ABHD17C: variants seen among roughly 807,000 people sequenced by gnomAD.
The protein encoded by ABHD17C is abhydrolase domain containing 17C, depalmitoylase.
Under a neutral mutation model 27.9 loss-of-function variants are expected in ABHD17C, and 11 were observed. That is an observed-to-expected ratio of 0.39 (90% CI 0.25 to 0.65). The LOEUF is 0.65. Ranked by LOEUF, ABHD17C falls within the 30% of genes least tolerant of loss-of-function variation. The probability of loss-of-function intolerance (pLI) is 0.45; values close to 1 mark genes in which losing one functional copy is unlikely to be tolerated. For synonymous variants in ABHD17C, 233 were observed against 209.1 expected, an observed-to-expected ratio of 1.11 and a Z score of -0.98; for missense variants, 280 against 470.2, an observed-to-expected ratio of 0.60 and a Z score of 3.74.
chr15:80,738,057 A>G (rs1028536263), intron 1 of ABHD17C, among the ~76,000 whole-genome samples: 2 of 152,044 alleles, frequency 1.3e-5, no homozygotes, highest in Non-Finnish European at 2.9e-5. Context: ...TATAGATAGA[A>G]TTGGAAGGAA....
chr15:80,736,246 A>G (rs939590414), intron 1 of ABHD17C, among the ~76,000 whole-genome samples: 2 of 152,238 alleles, frequency 1.3e-5, no homozygotes, highest in Admixed American at 1.3e-4. Flanking sequence ...ATGCTAAAAA[A>G]TTTTCCAAAT....
intron 1 of ABHD17C, among the ~76,000 whole-genome samples, chr15:80,714,772 G>A (rs112866479): frequency 5.3e-5 from 8 of 152,304 alleles, no homozygotes; most frequent in African/African-American, 1.4e-4. Flanking sequence ...GGAAAAGAAT[G>A]CATGATTAAA....
intron 1 of ABHD17C, among the ~76,000 whole-genome samples, chr15:80,740,226 C>A (rs1341861432): frequency 6.6e-6 from 1 of 152,090 alleles, no homozygotes; most frequent in Non-Finnish European, 1.5e-5. Flanking sequence ...AGGACACTGC[C>A]TGTTGCTACC....
chr15:80,712,312 G>A (rs147625731), intron 1 of ABHD17C, among the ~76,000 whole-genome samples: 46 of 152,336 alleles, frequency 3.0e-4, no homozygotes, highest in African/African-American at 1.1e-3. Flanking sequence ...GGTTCAGGAT[G>A]TGGGGCCTTC....
intron 1 of ABHD17C, among the ~76,000 whole-genome samples, chr15:80,715,848 A>T (rs1273434157): frequency 1.3e-5 from 2 of 152,286 alleles, no homozygotes; most frequent in African/African-American, 4.8e-5. Context: ...TCGCTTTGTA[A>T]TGCTTTTGTC....
intron 1 of ABHD17C, among the ~76,000 whole-genome samples, chr15:80,746,207 C>G (rs1895280844): frequency 6.6e-6 from 1 of 152,158 alleles, no homozygotes; most frequent in Non-Finnish European, 1.5e-5. Flanking sequence ...AATAACTCTT[C>G]TCTTTTTTTC....
intron 1 of ABHD17C, among the ~76,000 whole-genome samples, chr15:80,728,076 C>G (rs903952179): frequency 2.6e-5 from 4 of 152,164 alleles, no homozygotes; most frequent in African/African-American, 9.7e-5. Flanking sequence ...CTGGCAGGAA[C>G]CTTAGTTTCC....
At position 80,695,682 on chromosome 15, in the gene ABHD17C, G is replaced by C; in HGVS notation, c.253G>C (p.Gly85Arg). The change falls in exon 1 of 3, where the codon GGT (glycine) becomes CGT (arginine). Residue 85 changes from glycine (G) to arginine (R), a missense_variant. Coordinates refer to ENST00000258884, the MANE Select transcript of ABHD17C (RefSeq NM_021214.2). The surrounding 1 kb of genome is among the most constrained non-coding windows in gnomAD (Gnocchi z 4.3). ...QPEEGAGAGP[G>R]ACSLHLSERA... is the part of the protein sequence containing the mutation. ...CGAGGAGGGCGCGGGCGCGGGGCCC[G>C]GTGCGTGCAGCCTGCACCTCAGCGA... 6.8e-7 allele frequency: 1 copy of C among 1,480,042 alleles called. No individual in the cohort carries two copies. Among genetic ancestry groups the C allele is most frequent in the Non-Finnish European group, 8.9e-7 (1 of 1,124,264 alleles). 91.7% of individuals were successfully genotyped at this position (1,480,042 alleles called of 1,614,324 possible).
At chr15:80,706,416 A>G (rs1421463455) in intron 1 of ABHD17C, among the ~76,000 whole-genome samples, 1 of 152,220 alleles carries the variant, frequency 6.6e-6, no homozygotes, top group Non-Finnish European at 1.5e-5. Context: ...CCTCAAGCTT[A>G]CTTGTTAACA....
intron 1 of ABHD17C, among the ~76,000 whole-genome samples, chr15:80,729,364 T>A (rs1433260953): frequency 6.6e-6 from 1 of 152,228 alleles, no homozygotes; most frequent in Admixed American, 6.5e-5. Context: ...CTTAATAAAA[T>A]CTTAATATTT....
chr15:80,737,645 C>A (rs947114969), intron 1 of ABHD17C, among the ~76,000 whole-genome samples: 1 of 152,144 alleles, frequency 6.6e-6, no homozygotes, highest in African/African-American at 2.4e-5. Context: ...CATTAAGCAT[C>A]TGAGTGGATG....
At position 80,695,936 on chromosome 15, in the gene ABHD17C, G is replaced by C. The variant is rs368392891; in HGVS notation, c.507G>C (p.Ser169=). Residue 169 remains serine (S), a synonymous_variant, in exon 1 of 3, where the codon TCG becomes TCC. Transcript: ENST00000258884. This position sits in a 1 kb window ranked among gnomAD's most constrained non-coding sequence, Gnocchi z 4.3. ...INCNIFSYDY[S]GYGVSSGKPS... ...GCAACATCTTCTCCTACGACTACTC[G>C]GGATACGGCGTCAGCTCGGGCAAGC... is the stretch of plus-strand genomic sequence containing the variant. 12 of 1,596,208 alleles carry C rather than the reference G, an allele frequency of 7.5e-6. No homozygotes were observed. Among genetic ancestry groups the C allele is most frequent in the African/African-American group, 1.3e-5 (1 of 74,882 alleles).
rs904947248 is a variant in ABHD17C, at chr15:80,712,116, C to T, written c.590+16097C>T. ...ATTATGCCTTTGTTCTAGCCCTTAT[C>T]CCCTGGTCCTTTGGTTACTGATGAC... On this transcript the variant is annotated intron_variant, in intron 1 of 2. Coordinates refer to ENST00000258884, the MANE Select transcript of ABHD17C (RefSeq NM_021214.2). Among the ~76,000 whole-genome samples, 8 of 152,144 alleles carry T rather than the reference C, an allele frequency of 5.3e-5. No individual in the cohort carries two copies. The East Asian group carries it at 1.5e-3, about 29-fold the overall frequency.
At chr15:80,737,323 T>C (rs1269959275) in intron 1 of ABHD17C, among the ~76,000 whole-genome samples, 2 of 152,208 alleles carry the variant, frequency 1.3e-5, no homozygotes, top group Non-Finnish European at 2.9e-5. Context: ...ATTAGTACGG[T>C]CTTTGTTTTT....
intron 1 of ABHD17C, among the ~76,000 whole-genome samples, chr15:80,730,055 G>A (rs1282891010): frequency 1.3e-5 from 2 of 152,052 alleles, no homozygotes; most frequent in African/African-American, 4.8e-5. Context: ...GTTGCAGTGA[G>A]CTGAGATCGC....
intron 1 of ABHD17C, among the ~76,000 whole-genome samples, chr15:80,719,940 A>G (rs1894868568): frequency 6.6e-6 from 1 of 152,006 alleles, no homozygotes; most frequent in African/African-American, 2.4e-5. Flanking sequence ...TGAGACTACA[A>G]GTGCACACCA....
At chr15:80,703,752 G>GA (rs1170697961) in intron 1 of ABHD17C, among the ~76,000 whole-genome samples, 2 of 151,992 alleles carry the variant, frequency 1.3e-5, no homozygotes, top group Non-Finnish European at 2.9e-5. Context: ...GTTAAGAGTT[G>GA]AAAAAAATGG....
intron 1 of ABHD17C, among the ~76,000 whole-genome samples, chr15:80,712,139 G>C (rs896967344): frequency 6.6e-6 from 1 of 152,290 alleles, no homozygotes; most frequent in East Asian, 1.9e-4. Context: ...GGTTACTGAT[G>C]ACTGTACCTG....
intron 1 of ABHD17C, among the ~76,000 whole-genome samples, chr15:80,741,445 T>G (rs1009629116): frequency 1.3e-5 from 2 of 151,362 alleles, no homozygotes; most frequent in Non-Finnish European, 2.9e-5. Context: ...CTTATTAAGT[T>G]GAGAACTTCC....
Sources: gnomAD v4.1 joint callset for allele counts (sites outside exome capture counted in the v4.1 genomes callset) on GRCh38, gnomAD v4.1.1 for gene constraint, Gnocchi (gnomAD v3.1) non-coding constraint, MANE v1.5 for transcripts, NCBI Gene and HGNC (gene_info 2026-07-23, HGNC 2026-07-21) for gene names.